The following PLCB1 variants were observed in gnomAD, a reference collection of about 807,000 sequenced individuals.
PLCB1 encodes the protein 1-phosphatidylinositol 4,5-bisphosphate phosphodiesterase beta-1.
Under a neutral mutation model 161.8 loss-of-function variants are expected in PLCB1, and 46 were observed. That is an observed-to-expected ratio of 0.28 (90% CI 0.22 to 0.36). The LOEUF (loss-of-function observed/expected upper bound fraction) is 0.36. Among genes scored for constraint, PLCB1 ranks in the 10% least tolerant of loss-of-function variants. The pLI, the probability that PLCB1 is intolerant of heterozygous loss-of-function variation, is 1.00. For missense variants in PLCB1, 1,016 were observed against 1,472.5 expected (o/e 0.69, Z 5.07); for synonymous variants, 517 against 503.7 (o/e 1.03, Z -0.35).
At chr20:8,176,062 G>GT (rs1461750015) in intron 2 of PLCB1, among the ~76,000 whole-genome samples, 1 of 152,152 alleles carries the variant, frequency 6.6e-6, no homozygotes, top group African/African-American at 2.4e-5. Context: ...CAGATCAATG[G>GT]TAGGTTAAAC....
intron 2 of PLCB1, among the ~76,000 whole-genome samples, chr20:8,300,232 TAC>T (rs2123318352): frequency 6.6e-6 from 1 of 152,318 alleles, no homozygotes; most frequent in East Asian, 1.9e-4. Context: ...AGATATCAAG[TAC>T]GAGTATTTGT....
chr20:8,790,729 T>A (rs1983715405), intron 31 of PLCB1, among the ~76,000 whole-genome samples: 2 of 152,298 alleles, frequency 1.3e-5, no homozygotes, highest in South Asian at 4.1e-4. Flanking sequence ...GAAAAGCAAA[T>A]CTTTTGTTTC....
At chr20:8,550,105 C>T (rs1409648698) in intron 3 of PLCB1, among the ~76,000 whole-genome samples, 1 of 152,152 alleles carries the variant, frequency 6.6e-6, no homozygotes, top group Admixed American at 6.5e-5. Context: ...AAGTAACTTG[C>T]TTTTGACTTT....
chr20:8,342,724 T>A (rs1458113587), intron 2 of PLCB1, among the ~76,000 whole-genome samples: 1 of 152,172 alleles, frequency 6.6e-6, no homozygotes, highest in African/African-American at 2.4e-5. Flanking sequence ...TGGTGGGTCC[T>A]CACGGCACCC....
intron 2 of PLCB1, among the ~76,000 whole-genome samples, chr20:8,275,084 CTT>C (rs35606391): frequency 0.73 from 110,112 of 151,856 alleles, 40,710 homozygotes; most frequent in African/African-American, 0.86. Context: ...TTTTCACAGG[CTT>C]TTTGGTTTGA....
Position 8,790,223 on chromosome 20 carries a change from A to G in PLCB1, c.3385A>G (p.Lys1129Glu), listed in dbSNP as rs766890266. Reference protein sequence around the residue: ...KRQEKLVEKHKEIRQQILDEK... With the variant: ...KRQEKLVEKHEEIRQQILDEK... ...GCAAGAAAAACTCGTAGAGAAACAC[A>G]AGGAAATACGTCAGCAGATCCTGGA... Residue 1129 changes from lysine to glutamate, a missense_variant, in exon 31 of 32, where the codon AAG (lysine) becomes GAG (glutamate). Physicochemically the swap from Lys to Glu is moderately conservative, Grantham distance 56. Coordinates refer to ENST00000338037, the MANE Select transcript of PLCB1 (RefSeq NM_015192.4). 3 of 1,612,186 alleles carry G rather than the reference A, an allele frequency of 1.9e-6. No homozygotes were observed. In the East Asian group the frequency reaches 6.7e-5, roughly 36 times the overall value.
At chr20:8,140,916 A>C (rs1377697440) in intron 1 of PLCB1, among the ~76,000 whole-genome samples, 1 of 151,918 alleles carries the variant, frequency 6.6e-6, no homozygotes, top group African/African-American at 2.4e-5. Context: ...TTCCTGCCTC[A>C]GCCTCCTGAG....
At chr20:8,746,878 T>A (rs1981198976) in intron 23 of PLCB1, among the ~76,000 whole-genome samples, 1 of 152,178 alleles carries the variant, frequency 6.6e-6, no homozygotes, top group South Asian at 2.1e-4. Context: ...CAGGGCATCA[T>A]GATAAATTGC....
chr20:8,770,759 G>A (rs369590242), intron 26 of PLCB1, among the ~76,000 whole-genome samples: 1 of 152,216 alleles, frequency 6.6e-6, no homozygotes, highest in East Asian at 1.9e-4. Context: ...CTTGGAAGGA[G>A]ACAATCAGAT....
At chr20:8,774,334 C>T (rs1380257350) in intron 26 of PLCB1, among the ~76,000 whole-genome samples, 2 of 152,214 alleles carry the variant, frequency 1.3e-5, no homozygotes. Context: ...CTTTCTAGAG[C>T]ACCATGAATT....
chr20:8,171,977 G>T (rs59553467), intron 2 of PLCB1, among the ~76,000 whole-genome samples: 2,075 of 152,088 alleles, frequency 0.014, 59 homozygotes, highest in African/African-American at 0.046. Flanking sequence ...CTGTTGTTGC[G>T]TATCATATGT....
chr20:8,808,563 A>C (rs7262202), intron 31 of PLCB1, among the ~76,000 whole-genome samples: 2,441 of 152,320 alleles, frequency 0.016, 71 homozygotes, highest in African/African-American at 0.055. Context: ...AAGGAAGTAT[A>C]TCTCTCACAC....
intron 3 of PLCB1, among the ~76,000 whole-genome samples, chr20:8,512,998 C>T (rs1019684798): frequency 2.0e-5 from 3 of 152,094 alleles, no homozygotes; most frequent in South Asian, 4.1e-4. Flanking sequence ...CCTACCTCTA[C>T]GAGTTCGAAT....
chr20:8,833,537 A>C (rs1365995911), intron 31 of PLCB1, among the ~76,000 whole-genome samples: 2 of 152,188 alleles, frequency 1.3e-5, no homozygotes, highest in Non-Finnish European at 2.9e-5. Flanking sequence ...GAGAGATTTC[A>C]CACAGAAAGA....
intron 31 of PLCB1, chr20:8,802,072 C>G: frequency 6.2e-7 from 1 of 1,607,112 alleles, no homozygotes; most frequent in Non-Finnish European, 8.5e-7. Context: ...GGTTCCTCCT[C>G]ATTCTTGTCG....
chr20:8,817,310 C>A (rs1474279081), intron 31 of PLCB1, among the ~76,000 whole-genome samples: 1 of 152,142 alleles, frequency 6.6e-6, no homozygotes, highest in African/African-American at 2.4e-5. Context: ...GCAAGCTGTC[C>A]TTTATCTTGA....
At chr20:8,583,388 A>T (rs982853577) in intron 3 of PLCB1, among the ~76,000 whole-genome samples, 5 of 152,248 alleles carry the variant, frequency 3.3e-5, no homozygotes, top group African/African-American at 1.2e-4. Flanking sequence ...AAAATACAAA[A>T]TAAAAGACAT....
At chr20:8,319,527 A>T (rs1387832252) in intron 2 of PLCB1, among the ~76,000 whole-genome samples, 1 of 118,002 alleles carries the variant, frequency 8.5e-6, no homozygotes, top group Non-Finnish European at 1.7e-5. Flanking sequence ...CTTGGCAAAG[A>T]AAAAAAAAAA....
chr20:8,311,389 A>G (rs1341854988), intron 2 of PLCB1, among the ~76,000 whole-genome samples: 1 of 152,240 alleles, frequency 6.6e-6, no homozygotes, highest in African/African-American at 2.4e-5. Flanking sequence ...GTGAATCTCT[A>G]GAGCCATGTG....
Sources: gnomAD v4.1 joint callset for allele counts (sites outside exome capture counted in the v4.1 genomes callset) on GRCh38, gnomAD v4.1.1 for gene constraint, MANE v1.5 for transcripts, NCBI Gene and HGNC (gene_info 2026-07-23, HGNC 2026-07-21) for gene names.